PBX1: variants seen among roughly 807,000 people sequenced by gnomAD.
PBX1 encodes pre-B-cell leukemia transcription factor 1.
In PBX1, 6 loss-of-function variants were observed where a neutral mutation model predicts 53.4. The observed-to-expected ratio is 0.11, with a 90% CI of 0.06 to 0.22. PBX1 has a LOEUF of 0.22. Ranked by LOEUF, PBX1 falls within the 10% of genes least tolerant of loss-of-function variation. The pLI, the probability that PBX1 is intolerant of heterozygous loss-of-function variation, is 1.00. For missense variants in PBX1, 251 were observed against 551.4 expected (o/e 0.46, Z 5.46); for synonymous variants, 204 against 212.3 (o/e 0.96, Z 0.34).
intron 2 of PBX1, among the ~76,000 whole-genome samples, chr1:164,866,676 A>C (rs1672227257): frequency 2.0e-5 from 3 of 152,236 alleles, no homozygotes; most frequent in African/African-American, 7.2e-5. Flanking sequence ...ATGCTAATTC[A>C]CAACTGGTGG....
At chr1:164,841,316 C>A (rs1214215489) in intron 8 of PBX1, among the ~76,000 whole-genome samples, 1 of 152,170 alleles carries the variant, frequency 6.6e-6, no homozygotes, top group African/African-American at 2.4e-5. Flanking sequence ...GACGGCTGCT[C>A]TGTCCTGGGA....
intron 6 of PBX1, chr1:164,818,460 A>G (rs1024455799): frequency 6.6e-6 from 1 of 152,214 alleles, no homozygotes; most frequent in African/African-American, 2.4e-5. Flanking sequence ...TGGAGATGGC[A>G]TAGTCCTTTG....
chr1:164,703,202 T>G (rs1182133691), intron 2 of PBX1: 1 of 152,112 alleles, frequency 6.6e-6, no homozygotes, highest in Non-Finnish European at 1.5e-5. Flanking sequence ...AAACTGAGTG[T>G]GGACACCCAA....
At position 164,631,863 on chromosome 1, in the gene PBX1, A is replaced by G. The variant is rs373724980; in HGVS notation, c.265+68552A>G. ...TTCATATTAAGAAACATTATTTTAG[A>G]AGATCTGTTTGGCTGCAGCGGAGTC... On this transcript the variant is annotated intron_variant, in intron 2 of 8. Transcript: ENST00000420696. Among the ~76,000 whole-genome samples the G allele has an allele frequency of 2.8e-4, 42 of 152,338 alleles. No individual in the cohort carries two copies. In the South Asian group the frequency reaches 8.1e-3, roughly 29 times the overall value.
chr1:164,811,426 C>G (rs1669606768), intron 5 of PBX1, among the ~76,000 whole-genome samples: 1 of 152,190 alleles, frequency 6.6e-6, no homozygotes. Context: ...AAGCTTTACA[C>G]AAAATAGTCA....
At chr1:164,680,798 A>C (rs1661718911) in intron 2 of PBX1, 1 of 152,182 alleles carries the variant, frequency 6.6e-6, no homozygotes, top group South Asian at 2.1e-4. Context: ...CCTGCATTCA[A>C]ATAGTTGAAG....
intron 2 of PBX1, among the ~76,000 whole-genome samples, chr1:164,613,508 T>C (rs1202314572): frequency 6.6e-6 from 1 of 152,094 alleles, no homozygotes; most frequent in Non-Finnish European, 1.5e-5. Flanking sequence ...TTCCTAACTT[T>C]CTCCAGGCTC....
At chr1:164,852,338 C>G (rs1468057431), downstream of PBX1, among the ~76,000 whole-genome samples, 1 of 152,200 alleles carries the variant, frequency 6.6e-6, no homozygotes, top group African/African-American at 2.4e-5. Context: ...AGATGTGCAT[C>G]TCTACCATCT....
chr1:164,607,243 G>C (rs1025740699), intron 2 of PBX1, among the ~76,000 whole-genome samples: 2 of 152,174 alleles, frequency 1.3e-5, no homozygotes, highest in Non-Finnish European at 2.9e-5. Context: ...TGGTGTCTCT[G>C]TGGAGGATGG....
intron 2 of PBX1, among the ~76,000 whole-genome samples, chr1:164,574,912 G>C (rs1412792231): frequency 6.6e-6 from 1 of 152,126 alleles, no homozygotes; most frequent in Non-Finnish European, 1.5e-5. Flanking sequence ...AACCCGGGAG[G>C]TGGAGGTTGC....
At chr1:164,693,191 T>G (rs1437726356) in intron 2 of PBX1, among the ~76,000 whole-genome samples, 1 of 152,170 alleles carries the variant, frequency 6.6e-6, no homozygotes, top group Non-Finnish European at 1.5e-5. Flanking sequence ...AGAGTTTGGA[T>G]GTACAAGATG....
At chr1:164,729,671 C>A (rs1322929972) in intron 2 of PBX1, among the ~76,000 whole-genome samples, 1 of 151,946 alleles carries the variant, frequency 6.6e-6, no homozygotes, top group Non-Finnish European at 1.5e-5. Context: ...AACCTGAGTC[C>A]TAGAGAGGTT....
intron 2 of PBX1, among the ~76,000 whole-genome samples, chr1:164,593,414 A>G (rs539050795): frequency 2.9e-4 from 44 of 152,260 alleles, no homozygotes; most frequent in African/African-American, 1.0e-3. Flanking sequence ...GAATTAATCT[A>G]TGCCCCCAAA....
At chr1:164,839,898 G>T (rs1378215886) in intron 8 of PBX1, among the ~76,000 whole-genome samples, 1 of 151,918 alleles carries the variant, frequency 6.6e-6, no homozygotes, top group Non-Finnish European at 1.5e-5. Flanking sequence ...TGACCTAGTG[G>T]TAGGTGGCAA....
chr1:164,826,916 T>C (rs545858847), intron 8 of PBX1, among the ~76,000 whole-genome samples: 2 of 152,352 alleles, frequency 1.3e-5, no homozygotes, highest in South Asian at 2.1e-4. Context: ...GTAATCATTA[T>C]AGTAATAGAA....
intron 2 of PBX1, among the ~76,000 whole-genome samples, chr1:164,685,978 G>C (rs1417611286): frequency 1.3e-5 from 2 of 152,196 alleles, no homozygotes. Context: ...CCACCCAGGG[G>C]AAGAGTCTGG....
chr1:164,885,226 C>G (rs192970765), intron 2 of PBX1, among the ~76,000 whole-genome samples: 1 of 152,278 alleles, frequency 6.6e-6, no homozygotes, highest in Admixed American at 6.5e-5. Flanking sequence ...ATAACTATCC[C>G]ACACCTACCA....
chr1:164,762,491 T>C (rs141955105), intron 2 of PBX1, among the ~76,000 whole-genome samples: 44 of 152,290 alleles, frequency 2.9e-4, no homozygotes, highest in African/African-American at 9.9e-4. Flanking sequence ...CTTTAAAAAA[T>C]ATAAAGTGTG....
At chr1:164,611,366 T>G (rs1360023693) in intron 2 of PBX1, among the ~76,000 whole-genome samples, 3 of 152,042 alleles carry the variant, frequency 2.0e-5, no homozygotes, top group African/African-American at 4.8e-5. Flanking sequence ...GCCTCCCGAG[T>G]AGCTGGGACT....
Sources: gnomAD v4.1 joint callset for allele counts (sites outside exome capture counted in the v4.1 genomes callset) on GRCh38, gnomAD v4.1.1 for gene constraint, MANE v1.5 for transcripts, NCBI Gene and HGNC (gene_info 2026-07-23, HGNC 2026-07-21) for gene names.